Variants in USP20 observed in about 807,000 individuals in gnomAD.
The protein encoded by USP20 is ubiquitin carboxyl-terminal hydrolase 20.
A neutral mutation model predicts 124.2 loss-of-function variants in USP20; 80 were observed. That is an observed-to-expected ratio of 0.64 (90% CI 0.54 to 0.78). The LOEUF is 0.78. USP20 is among the 30% of genes least tolerant of loss of function. USP20 has a pLI of 0.00. For synonymous variants in USP20, 481 were observed against 512.3 expected, an observed-to-expected ratio of 0.94 and a Z score of 0.83; for missense variants, 1,043 against 1,244.4, an observed-to-expected ratio of 0.84 and a Z score of 2.44.
intron 1 of USP20, among the ~76,000 whole-genome samples, chr9:129,838,785 A>G (rs933398819): frequency 1.3e-5 from 2 of 152,300 alleles, no homozygotes; most frequent in East Asian, 1.9e-4. Flanking sequence ...ATGCTTACTC[A>G]CCACTGAGTG....
At chr9:129,858,297 G>C (rs1183431876) in intron 5 of USP20, among the ~76,000 whole-genome samples, 170 bp from the exon 6 acceptor site, 1 of 37,280 alleles carries the variant, frequency 2.7e-5, no homozygotes, top group South Asian at 1.2e-3. Context: ...CATTTGATAA[G>C]CAGCAGCCCT....
chr9:129,869,200 C>T (rs1030657681), intron 12 of USP20, 110 bp from the exon 13 acceptor site: 24 of 1,334,822 alleles, frequency 1.8e-5, no homozygotes, highest in Non-Finnish European at 2.3e-5. Flanking sequence ...CTTACCCAGT[C>T]ATGTGACTCA....
In USP20 at chr9:129,879,713, C is replaced by T. The variant is rs1052991015; in HGVS notation, c.2584+69C>T. ...TGGCTGCCAGGCTGCTGCCCAGTCC[C>T]GTCCTTCCAGGAGCCCCCTTACCAC... On this transcript the variant is annotated intron_variant, in intron 24 of 25. Coordinates refer to ENST00000372429, the MANE Select transcript of USP20 (RefSeq NM_001110303.4). The surrounding 1 kb of genome is among the most constrained non-coding windows in gnomAD (Gnocchi z 4.2). 1.5e-5 allele frequency: 23 copies of T among 1,572,530 alleles called. No individual in the cohort carries two copies. The highest frequency in any genetic ancestry group is 3.3e-5 in the South Asian group (3 of 89,892).
At chr9:129,878,463 A>C (rs2034501181) in intron 23 of USP20, 23 bp downstream of exon 23, 1 of 1,572,374 alleles carries the variant, frequency 6.4e-7, no homozygotes, top group Admixed American at 1.8e-5. Context: ...GGGACCTGGC[A>C]CTTACCTGCC....
chr9:129,863,276 C>T lies in USP20; in HGVS notation c.588C>T (p.Val196=). Residue 196 remains valine, a synonymous_variant, in exon 9 of 26, where the codon GTC becomes GTT. Coordinates refer to ENST00000372429, the MANE Select transcript of USP20 (RefSeq NM_001110303.4). ...PALCKSYQKL[V]SEVWHKKRPS... is the part of the protein sequence containing the mutation. ...TGTGCAAGAGCTACCAGAAGCTGGT[C>T]TCTGAGGTCTGGCATAAGAAACGGT... 6.5e-7 allele frequency: 1 copy of T among 1,548,870 alleles called. No individual in the cohort carries two copies. Among genetic ancestry groups the T allele is most frequent in the Non-Finnish European group, 8.7e-7 (1 of 1,144,048 alleles).
chr9:129,844,641 AAAAAAAAT>A (rs2131036332), intron 1 of USP20, among the ~76,000 whole-genome samples: 1 of 148,676 alleles, frequency 6.7e-6, no homozygotes, highest in African/African-American at 2.6e-5. Context: ...AAAAAAAAAA[AAAAAAAAT>A]TATATATTCG....
intron 3 of USP20, among the ~76,000 whole-genome samples, chr9:129,853,594 TC>T (rs2033052102): frequency 6.6e-6 from 1 of 152,204 alleles, no homozygotes; most frequent in Non-Finnish European, 1.5e-5. Context: ...CACCAGCAGG[TC>T]CTTGGTGGCC....
intron 9 of USP20, 96 bp downstream of exon 9, chr9:129,863,395 G>T (rs2033651904): frequency 1.0e-6 from 1 of 960,930 alleles, no homozygotes; most frequent in African/African-American, 1.6e-5. Flanking sequence ...TCAGCCCCCA[G>T]CGAGGACTTG....
intron 15 of USP20, 69 bp from the exon 16 acceptor site, chr9:129,873,413 T>G: frequency 6.4e-7 from 1 of 1,574,342 alleles, no homozygotes; most frequent in Non-Finnish European, 8.7e-7. Context: ...GAAATCATTA[T>G]AGTCACTTTT....
Position 129,839,515 on chromosome 9 carries a change from C to G in USP20, c.-129+4016C>G, listed in dbSNP as rs556604566. ...AGGGAAGGGGTGGGTGTGTCTGGGACTTAGGGAGAATGCTGTTGTGTGGAG... is the reference window on the plus strand; with the variant it reads ...AGGGAAGGGGTGGGTGTGTCTGGGAGTTAGGGAGAATGCTGTTGTGTGGAG... On this transcript the variant is annotated intron_variant, in intron 1 of 25. Coordinates refer to ENST00000372429, the MANE Select transcript of USP20 (RefSeq NM_001110303.4). This position sits in a 1 kb window ranked among gnomAD's most constrained non-coding sequence, Gnocchi z 4.5. 3.3e-5 allele frequency among the ~76,000 whole-genome samples: 5 copies of G among 151,612 alleles called. No homozygotes were observed. Among genetic ancestry groups the G allele is most frequent in the African/African-American group, 1.2e-4 (5 of 41,286 alleles).
At chr9:129,856,705 G>A (rs1206778878) in intron 4 of USP20, among the ~76,000 whole-genome samples, 5 of 152,224 alleles carry the variant, frequency 3.3e-5, no homozygotes, top group East Asian at 3.8e-4. Flanking sequence ...GCTCAGCAGC[G>A]TCTCTACCTG....
At chr9:129,852,264 A>G (rs1253568765) in intron 2 of USP20, among the ~76,000 whole-genome samples, 3 of 151,264 alleles carry the variant, frequency 2.0e-5, no homozygotes, top group Non-Finnish European at 1.5e-5. Context: ...TGATCACTAC[A>G]CCTGTCACCT....
At chr9:129,837,883 A>T (rs1191513721) in intron 1 of USP20, among the ~76,000 whole-genome samples, 1 of 152,036 alleles carries the variant, frequency 6.6e-6, no homozygotes, top group Admixed American at 6.6e-5. Flanking sequence ...TTTTATTTAG[A>T]GTGTACACCC....
At position 129,878,357 on chromosome 9, in the gene USP20, C is replaced by G; in HGVS notation, c.2429C>G (p.Ala810Gly). The G allele has an allele frequency of 6.3e-7, 1 of 1,598,742 alleles. No homozygotes were observed. The highest frequency in any genetic ancestry group is 1.3e-5 in the African/African-American group (1 of 74,858). ...TGCCAGTTGAACAAGGCCTTCCAGG[C>G]CGAGGAGTCGCCGGGCGTCATCTAC... The part of the protein sequence containing the change: ...TFIKLNKAFQ[A>G]EESPGVIYCI... Residue 810 changes from alanine to glycine, a missense_variant, in exon 23 of 26, where the codon GCC becomes GGC. Transcript: ENST00000372429.
chr9:129,867,588 C>G (rs1301275496), intron 10 of USP20, among the ~76,000 whole-genome samples: 4 of 152,260 alleles, frequency 2.6e-5, no homozygotes, highest in East Asian at 1.9e-4. Context: ...CTCCCTCATC[C>G]TTCCGCCACC....
At chr9:129,867,382 G>A (rs1370988784) in intron 10 of USP20, among the ~76,000 whole-genome samples, 1 of 152,244 alleles carries the variant, frequency 6.6e-6, no homozygotes, top group Non-Finnish European at 1.5e-5. Context: ...GACCCAGGCA[G>A]CCTGCAGGGG....
intron 10 of USP20, among the ~76,000 whole-genome samples, chr9:129,867,032 A>G (rs1001330583): frequency 6.6e-6 from 1 of 152,122 alleles, no homozygotes; most frequent in Non-Finnish European, 1.5e-5. Context: ...GATGTGTGAC[A>G]TGAGGCTGGC....
At chr9:129,872,467 GTTCT>G (rs1443047464) in intron 15 of USP20, among the ~76,000 whole-genome samples, 2 of 152,106 alleles carry the variant, frequency 1.3e-5, no homozygotes, top group Non-Finnish European at 2.9e-5. Context: ...AGTTAGAGGA[GTTCT>G]TTATGTGTCC....
At chr9:129,878,850 G>C (rs1466572754) in intron 23 of USP20, among the ~76,000 whole-genome samples, 1 of 152,242 alleles carries the variant, frequency 6.6e-6, no homozygotes, top group Non-Finnish European at 1.5e-5. Context: ...GCAGAACCAA[G>C]CCATGGAAGC....
Sources: gnomAD v4.1 joint callset for allele counts (sites outside exome capture counted in the v4.1 genomes callset) on GRCh38, gnomAD v4.1.1 for gene constraint, Gnocchi (gnomAD v3.1) non-coding constraint, MANE v1.5 for transcripts, NCBI Gene and HGNC (gene_info 2026-07-23, HGNC 2026-07-21) for gene names.